RALYL: variants seen among roughly 807,000 people sequenced by gnomAD.
RALYL encodes RALY RNA binding protein like.
A neutral mutation model predicts 35.1 loss-of-function variants in RALYL; 29 were observed. The ratio of observed to expected loss-of-function variants is 0.83; its 90% CI spans 0.61 to 1.13. RALYL has a LOEUF of 1.13. RALYL is among the 50% of genes most tolerant of loss of function. The pLI, the probability that RALYL is intolerant of heterozygous loss-of-function variation, is 0.00. For synonymous variants in RALYL, 120 were observed against 127.6 expected, an observed-to-expected ratio of 0.94 and a Z score of 0.40; for missense variants, 359 against 360.4, an observed-to-expected ratio of 1.00 and a Z score of 0.03.
chr8:84,576,844 G>C (rs981416400), intron 2 of RALYL, among the ~76,000 whole-genome samples: 1 of 152,166 alleles, frequency 6.6e-6, no homozygotes, highest in Admixed American at 6.5e-5. Flanking sequence ...GGCTTCTGAA[G>C]ACATTTGAAT....
intron 2 of RALYL, among the ~76,000 whole-genome samples, chr8:84,530,466 G>T (rs975576972): frequency 6.8e-6 from 1 of 147,662 alleles, no homozygotes; most frequent in African/African-American, 2.5e-5. Flanking sequence ...ACAATAAAGG[G>T]AACCCCCAAT....
At chr8:84,544,215 T>A (rs1483014098) in intron 2 of RALYL, among the ~76,000 whole-genome samples, 1 of 151,950 alleles carries the variant, frequency 6.6e-6, no homozygotes, top group Non-Finnish European at 1.5e-5. Flanking sequence ...TTTCTTTAAT[T>A]TTTTACAACC....
At chr8:84,800,553 A>G (rs985171602) in intron 3 of RALYL, among the ~76,000 whole-genome samples, 6 of 151,946 alleles carry the variant, frequency 3.9e-5, no homozygotes, top group Admixed American at 1.3e-4. Flanking sequence ...TCGTTTGTTT[A>G]TCTTATTCTA....
intron 2 of RALYL, among the ~76,000 whole-genome samples, chr8:84,593,304 T>C (rs1370746676): frequency 1.3e-5 from 2 of 152,090 alleles, no homozygotes; most frequent in African/African-American, 2.4e-5. Flanking sequence ...TCTTCCATAT[T>C]GTCTGTGTTC....
At chr8:84,533,008 T>C (rs901287585) in intron 2 of RALYL, among the ~76,000 whole-genome samples, 1 of 152,122 alleles carries the variant, frequency 6.6e-6, no homozygotes, top group African/African-American at 2.4e-5. Context: ...AGATTGCATT[T>C]TGACTCATAT....
chr8:84,372,888 T>TTTTTTTTTTTTGTTTTG (rs1563808974), intron 1 of RALYL, among the ~76,000 whole-genome samples: 54 of 107,558 alleles, frequency 5.0e-4, no homozygotes, highest in Non-Finnish European at 7.8e-4. Flanking sequence ...CAGCATCTGT[T>TTTTTTTTTTTTGTTTTG]TTTTTTTTTT....
chr8:84,569,280 C>T (rs1588236927), intron 2 of RALYL, among the ~76,000 whole-genome samples: 1 of 151,956 alleles, frequency 6.6e-6, no homozygotes, highest in South Asian at 2.1e-4. Flanking sequence ...AGCCAGTTTT[C>T]CCAGCACCAT....
At chr8:84,733,233 T>C (rs2132894616) in intron 2 of RALYL, among the ~76,000 whole-genome samples, 1 of 152,256 alleles carries the variant, frequency 6.6e-6, no homozygotes, top group African/African-American at 2.4e-5. Context: ...TATAGAGCAA[T>C]AGGCCCTTCG....
At chr8:84,880,092 A>C (rs1409031600) in intron 7 of RALYL, among the ~76,000 whole-genome samples, 4 of 152,114 alleles carry the variant, frequency 2.6e-5, no homozygotes, top group African/African-American at 9.7e-5. Context: ...TTTGCTAATT[A>C]GCTCTTATTA....
At chr8:84,771,554 A>G (rs973598892) in intron 2 of RALYL, among the ~76,000 whole-genome samples, 2 of 152,112 alleles carry the variant, frequency 1.3e-5, no homozygotes, top group Admixed American at 1.3e-4. Flanking sequence ...CCAGCATTTG[A>G]TATTACCAGG....
chr8:84,921,079 C>CTATGT lies in RALYL; in HGVS notation c.*170_*174dup, dbSNP rs1849261641. 1 of 422,244 alleles carries CTATGT rather than the reference C, an allele frequency of 2.4e-6. No individual in the cohort carries two copies. Among genetic ancestry groups the CTATGT allele is most frequent in the East Asian group, 3.8e-5 (1 of 26,296 alleles). The allele number at this position is 422,244 out of a possible 1,614,324, so 26.2% of individuals were successfully genotyped here. On this transcript the variant is annotated 3_prime_UTR_variant, in exon 9 of 9. Coordinates refer to ENST00000521268, the MANE Select transcript of RALYL (RefSeq NM_173848.7). ...CTCAGTTTTAGAAATTCCATTTCTT[C>CTATGT]TATGTTTTAAGCTGTACAATTGTCA...
At position 84,308,116 on chromosome 8, in the gene RALYL, C is replaced by T. The variant is rs117188351; in HGVS notation, c.-24+123692C>T. Among the ~76,000 whole-genome samples the T allele has an allele frequency of 2.2e-4, 32 of 145,392 alleles. 1 individual carries two copies. Among genetic ancestry groups the T allele is most frequent in the Non-Finnish European group, 2.7e-4 (18 of 66,084 alleles). On this transcript the variant is annotated intron_variant, in intron 1 of 8. Transcript: ENST00000521268. ...AGATCACCAAGAAAAAAATTAGGAA[C>T]ATAAAGGCTAAATAATCAAAAGGGA...
At chr8:84,213,873 A>G (rs1441373748) in intron 1 of RALYL, among the ~76,000 whole-genome samples, 1 of 152,184 alleles carries the variant, frequency 6.6e-6, no homozygotes, top group Non-Finnish European at 1.5e-5. Context: ...GAATTCCCTC[A>G]ATGTGCCTTA....
intron 3 of RALYL, among the ~76,000 whole-genome samples, chr8:84,798,812 T>C (rs887043925): frequency 3.3e-5 from 5 of 152,166 alleles, no homozygotes; most frequent in East Asian, 1.9e-4. Flanking sequence ...AAAACACACA[T>C]ATGCCGAAGC....
At chr8:84,885,430 TG>T (rs1268323098) in intron 7 of RALYL, among the ~76,000 whole-genome samples, 1 of 152,112 alleles carries the variant, frequency 6.6e-6, no homozygotes, top group African/African-American at 2.4e-5. Flanking sequence ...CTGTGCTAAA[TG>T]TTATATAGAC....
chr8:84,667,419 A>T (rs1307243134), intron 2 of RALYL, among the ~76,000 whole-genome samples: 1 of 152,046 alleles, frequency 6.6e-6, no homozygotes, highest in East Asian at 1.9e-4. Context: ...ACTCCTTCTT[A>T]GTATATTTGC....
At chr8:84,524,333 A>G (rs531763651) in intron 1 of RALYL, among the ~76,000 whole-genome samples, 3 of 152,302 alleles carry the variant, frequency 2.0e-5, no homozygotes, top group Admixed American at 2.0e-4. Flanking sequence ...TTATGCAGCC[A>G]AAAAACACAT....
At position 84,845,185 on chromosome 8, in the gene RALYL, GA is replaced by G. The variant is rs527847644; in HGVS notation, c.366-4791del. Among the ~76,000 whole-genome samples, 9 of 152,214 alleles carry G rather than the reference GA, an allele frequency of 5.9e-5. No individual in the cohort carries two copies. The East Asian group carries it at 1.7e-3, about 29-fold the overall frequency. ...TTTGTGAGCTTATTTGGTTACATCT[GA>G]AAATACTGAGAACTTTTATTCCATG... On this transcript the variant is annotated intron_variant, in intron 4 of 8. Coordinates refer to ENST00000521268, the MANE Select transcript of RALYL (RefSeq NM_173848.7).
chr8:84,423,030 T>C (rs1386853096), intron 1 of RALYL, among the ~76,000 whole-genome samples: 10 of 150,048 alleles, frequency 6.7e-5, no homozygotes, highest in African/African-American at 2.4e-4. Context: ...ATTCTGTTGA[T>C]TTGGGGTGGA....
Sources: allele counts gnomAD v4.1 joint callset (sites outside exome capture counted in the v4.1 genomes callset), GRCh38; gene constraint gnomAD v4.1.1; transcripts MANE v1.5; gene names NCBI Gene and HGNC (gene_info 2026-07-23, HGNC 2026-07-21).